GSTO1: variants seen among roughly 807,000 people sequenced by gnomAD.
GSTO1 encodes the protein glutathione S-transferase omega-1.
GSTO1 carries 27 observed loss-of-function variants against 23.8 expected under a neutral mutation model. The ratio of observed to expected loss-of-function variants is 1.13; its 90% CI spans 0.83 to 1.56. The LOEUF is 1.56. GSTO1 is among the 40% of genes most tolerant of loss of function. GSTO1 has a pLI of 0.00. For synonymous variants in GSTO1, 105 were observed against 109.3 expected (o/e 0.96, Z 0.25); for missense variants, 255 against 285.8 (o/e 0.89, Z 0.78).
At chr10:104,258,640 C>T (rs1486887899) in intron 2 of GSTO1, among the ~76,000 whole-genome samples, 1 of 152,136 alleles carries the variant, frequency 6.6e-6, no homozygotes, top group Non-Finnish European at 1.5e-5. Context: ...GCAGACAGTT[C>T]ACTTGAGCCC....
intron 3 of GSTO1, among the ~76,000 whole-genome samples, chr10:104,262,183 A>C (rs1297722023): frequency 6.6e-6 from 1 of 152,166 alleles, no homozygotes; most frequent in Non-Finnish European, 1.5e-5. Context: ...GTGGGTTACA[A>C]GATAAAATTC....
At chr10:104,254,882 T>C (rs577612061), upstream of GSTO1, 36 of 1,594,152 alleles carry the variant, frequency 2.3e-5, no homozygotes, top group Non-Finnish European at 2.7e-5. Context: ...ACCTACTTCC[T>C]GAATCCCCTG....
At chr10:104,266,597 C>T (rs2011188570) in intron 5 of GSTO1, among the ~76,000 whole-genome samples, 1 of 152,030 alleles carries the variant, frequency 6.6e-6, no homozygotes, top group African/African-American at 2.4e-5. Flanking sequence ...ATTAGCTGGG[C>T]ATGGTGGTAC....
At chr10:104,266,596 G>A (rs2011188508) in intron 5 of GSTO1, among the ~76,000 whole-genome samples, 1 of 152,128 alleles carries the variant, frequency 6.6e-6, no homozygotes, top group African/African-American at 2.4e-5. Flanking sequence ...AATTAGCTGG[G>A]CATGGTGGTA....
chr10:104,259,923 T>C, intron 3 of GSTO1, 125 bp downstream of exon 3: 1 of 653,932 alleles, frequency 1.5e-6, no homozygotes, highest in Admixed American at 2.7e-5. Flanking sequence ...TTGTCAGCTC[T>C]GAGTGTCCTG....
chr10:104,254,250 T>C (rs2091590656), upstream of GSTO1: 1 of 152,562 alleles, frequency 6.6e-6, no homozygotes, highest in Non-Finnish European at 1.5e-5. Flanking sequence ...GCTGTTAGTT[T>C]ACATTGCCAA....
intron 2 of GSTO1, among the ~76,000 whole-genome samples, chr10:104,259,124 T>G (rs569173814): frequency 9.2e-5 from 14 of 152,356 alleles, no homozygotes; most frequent in African/African-American, 3.4e-4. Flanking sequence ...AACTACCATG[T>G]GATTCAGCAA....
rs1304284184 is a variant in GSTO1 at position 104,255,227 on chromosome 10, G to T, written c.99G>T (p.Pro33=). The change falls in exon 2 of 6, where the codon CCG becomes CCT. Residue 33 remains proline (P), a synonymous_variant. Transcript: ENST00000369713. ...GCATCTACAGCATGAGGTTCTGCCC[G>T]TTTGCTGAGAGGACGCGTCTAGTCC... ...SIRIYSMRFC[P]FAERTRLVLK... 2 of 1,613,806 alleles carry T rather than the reference G, an allele frequency of 1.2e-6. No homozygotes were observed. The highest frequency in any genetic ancestry group is 1.7e-6 in the Non-Finnish European group (2 of 1,179,746).
At chr10:104,254,587 G>A (rs2091591953), upstream of GSTO1, 1 of 419,226 alleles carries the variant, frequency 2.4e-6, no homozygotes, top group East Asian at 5.7e-5. Flanking sequence ...AGTGTCACGG[G>A]AGGGAGGTCA....
At chr10:104,259,448 G>C (rs1324983516) in intron 2 of GSTO1, 128 bp from the exon 3 acceptor site, 6 of 615,154 alleles carry the variant, frequency 9.8e-6, no homozygotes, top group Non-Finnish European at 1.7e-5. Context: ...AAACTAGAAT[G>C]GAAGGAATCT....
chr10:104,265,993 C>T, intron 4 of GSTO1, 91 bp from the exon 5 acceptor site: 1 of 662,966 alleles, frequency 1.5e-6, no homozygotes, highest in Non-Finnish European at 2.7e-6. Flanking sequence ...AACTGCTTCT[C>T]TCACCTGCTC....
intron 2 of GSTO1, among the ~76,000 whole-genome samples, chr10:104,256,411 C>T (rs976832272): frequency 1.3e-5 from 2 of 152,176 alleles, no homozygotes; most frequent in Non-Finnish European, 2.9e-5. Flanking sequence ...GGCACAAAGT[C>T]CTGGGTTATG....
chr10:104,254,175 A>T (rs1175866860), upstream of GSTO1: 1 of 152,162 alleles, frequency 6.6e-6, no homozygotes, highest in Non-Finnish European at 1.5e-5. Flanking sequence ...GTCAAATTGC[A>T]TTTTTCTCCA....
intron 3 of GSTO1, 42 bp downstream of exon 3, chr10:104,259,840 T>C (rs2011124548): frequency 1.5e-6 from 2 of 1,342,646 alleles, no homozygotes; most frequent in Non-Finnish European, 2.1e-6. Flanking sequence ...GAAAAACCTG[T>C]TTTTTAAAGC....
Position 104,254,922 on chromosome 10 carries a change from C to T in GSTO1, c.-7C>T. On this transcript the variant is annotated 5_prime_UTR_variant, in exon 1 of 6. Coordinates refer to ENST00000369713, the MANE Select transcript of GSTO1 (RefSeq NM_004832.3). ...CCCCAGAGGAGCTCGGCCTGCGCTG[C>T]GCCACGATGTCCGGGGAGTCAGCCA... is the stretch of plus-strand genomic sequence containing the variant. 3.7e-6 allele frequency: 6 copies of T among 1,611,260 alleles called. No individual in the cohort carries two copies. The highest frequency in any genetic ancestry group is 2.2e-5 in the East Asian group (1 of 44,742).
intron 2 of GSTO1, among the ~76,000 whole-genome samples, chr10:104,258,749 G>C (rs932261875): frequency 1.3e-5 from 2 of 152,178 alleles, no homozygotes; most frequent in African/African-American, 4.8e-5. Context: ...AACTACTCGG[G>C]AGGTAGGAGG....
chr10:104,262,978 G>C lies in GSTO1; in HGVS notation c.367-1G>C. 1.5e-6 allele frequency: 2 copies of C among 1,333,804 alleles called. No homozygotes were observed. The highest frequency in any genetic ancestry group is 1.4e-5 in the African/African-American group (1 of 69,884). The allele number at this position is 1,333,804 out of a possible 1,614,324, so 82.6% of individuals were successfully genotyped here. A position where few individuals can be genotyped will look rare whatever the true frequency, so the allele number is the denominator to read the frequency against. On this transcript the variant is annotated splice_acceptor_variant, in intron 3 of 5. Transcript: ENST00000369713. LOFTEE classifies it high-confidence loss of function. ...AAACTAAGAAATTATTCTCTGTCTA[G>C]GTGCCATCCTTGGTAGGAAGCTTTA... is the stretch of plus-strand genomic sequence containing the variant.
At chr10:104,254,499 G>C (rs934655199), upstream of GSTO1, 3 of 254,662 alleles carry the variant, frequency 1.2e-5, no homozygotes, top group African/African-American at 7.0e-5. Context: ...GCTCTGGACC[G>C]GTGAGTGAGC....
At chr10:104,266,054 A>C in intron 4 of GSTO1, 30 bp from the exon 5 acceptor site, 2 of 1,160,382 alleles carry the variant, frequency 1.7e-6, no homozygotes, top group Non-Finnish European at 2.6e-6. Flanking sequence ...TGCACAAGTA[A>C]GAAATACTTT....
Sources: allele counts gnomAD v4.1 joint callset (sites outside exome capture counted in the v4.1 genomes callset), GRCh38; gene constraint gnomAD v4.1.1; transcripts MANE v1.5; gene names NCBI Gene and HGNC (gene_info 2026-07-23, HGNC 2026-07-21).